KCNMA1: variants seen among roughly 807,000 people sequenced by gnomAD.
KCNMA1 encodes the protein potassium calcium-activated channel subfamily M alpha 1, also known as Calcium-activated potassium channel subunit alpha-1.
In KCNMA1, 29 loss-of-function variants were observed where a neutral mutation model predicts 140.0. The observed-to-expected ratio is 0.21, with a 90% CI of 0.15 to 0.28. The LOEUF (loss-of-function observed/expected upper bound fraction) is 0.28. Among genes scored for constraint, KCNMA1 ranks in the 10% least tolerant of loss-of-function variants. The pLI is 1.00. For missense variants in KCNMA1, 880 were observed against 1,602.2 expected (o/e 0.55, Z 7.70); for synonymous variants, 612 against 611.9 (o/e 1.00, Z 0.00).
At chr10:77,158,475 C>T (rs2098515178) in intron 5 of KCNMA1, among the ~76,000 whole-genome samples, 1 of 152,210 alleles carries the variant, frequency 6.6e-6, no homozygotes, top group East Asian at 1.9e-4. Context: ...TGGGAGTCTC[C>T]TCTCTCTCCC....
At chr10:77,381,699 C>A (rs1459635060) in intron 2 of KCNMA1, among the ~76,000 whole-genome samples, 2 of 152,132 alleles carry the variant, frequency 1.3e-5, no homozygotes, top group African/African-American at 4.8e-5. Context: ...GCTGCTGGTC[C>A]AAATTAATTG....
At chr10:77,463,388 T>C (rs2097915001) in intron 1 of KCNMA1, among the ~76,000 whole-genome samples, 1 of 152,174 alleles carries the variant, frequency 6.6e-6, no homozygotes, top group African/African-American at 2.4e-5. Flanking sequence ...GAATAACCTT[T>C]GCCTCCTAAA....
intron 3 of KCNMA1, among the ~76,000 whole-genome samples, chr10:77,208,395 G>A (rs961599099): frequency 3.9e-5 from 6 of 152,112 alleles, no homozygotes; most frequent in African/African-American, 9.7e-5. Flanking sequence ...AGGCTGAGGC[G>A]GGACGATCAC....
intron 12 of KCNMA1, among the ~76,000 whole-genome samples, chr10:77,081,965 TTTCTGATACTACCTTTGACC>T (rs1238849276): frequency 6.7e-6 from 1 of 148,566 alleles, no homozygotes; most frequent in Non-Finnish European, 1.5e-5. Flanking sequence ...CTTAATTACA[TTTCTGATACTACCTTTGACC>T]AGTAATTTCT....
At chr10:77,190,421 T>C (rs2098929822) in intron 3 of KCNMA1, among the ~76,000 whole-genome samples, 1 of 152,158 alleles carries the variant, frequency 6.6e-6, no homozygotes, top group Non-Finnish European at 1.5e-5. Context: ...CCTGCAGCTA[T>C]GTGGTAGAGT....
At chr10:77,566,248 C>T (rs1321996130) in intron 1 of KCNMA1, among the ~76,000 whole-genome samples, 8 of 152,196 alleles carry the variant, frequency 5.3e-5, no homozygotes, top group African/African-American at 1.7e-4. Flanking sequence ...CCATCCCATC[C>T]CCCAGGATCC....
intron 18 of KCNMA1, among the ~76,000 whole-genome samples, chr10:77,001,931 TCC>T (rs2086614366): frequency 6.6e-6 from 1 of 152,156 alleles, no homozygotes; most frequent in Admixed American, 6.5e-5. Context: ...CCAACACTTT[TCC>T]CCTGATATGA....
At chr10:77,096,830 C>A (rs1323937467) in intron 9 of KCNMA1, among the ~76,000 whole-genome samples, 1 of 152,164 alleles carries the variant, frequency 6.6e-6, no homozygotes, top group Non-Finnish European at 1.5e-5. Flanking sequence ...ATGCTAGACT[C>A]TCTGTCTTTC....
At chr10:77,201,518 G>A (rs769283593) in intron 3 of KCNMA1, among the ~76,000 whole-genome samples, 1 of 152,166 alleles carries the variant, frequency 6.6e-6, no homozygotes, top group Non-Finnish European at 1.5e-5. Flanking sequence ...AGATGCTCCA[G>A]GCAGCAATTG....
intron 2 of KCNMA1, among the ~76,000 whole-genome samples, chr10:77,357,725 T>C (rs2093616300): frequency 6.6e-6 from 1 of 152,240 alleles, no homozygotes. Context: ...ATTGATGTTT[T>C]ATAGATTCCA....
chr10:76,889,315 G>A (rs2038858598), intron 27 of KCNMA1, 136 bp downstream of exon 27: 3 of 692,288 alleles, frequency 4.3e-6, no homozygotes, highest in Non-Finnish European at 7.7e-6. Context: ...CAAACTCAGT[G>A]TTGGATTTAA....
Position 76,886,258 on chromosome 10 carries a change from A to G in KCNMA1, c.*1008T>C, listed in dbSNP as rs1365193360. 5 of 985,082 alleles carry G rather than the reference A, an allele frequency of 5.1e-6. No individual in the cohort carries two copies. Among genetic ancestry groups the G allele is most frequent in the Admixed American group, 1.2e-4 (2 of 16,270 alleles). 61.0% of individuals were successfully genotyped at this position (985,082 alleles called of 1,614,324 possible). On this transcript the variant is annotated 3_prime_UTR_variant, in exon 28 of 28. Transcript: ENST00000286628. ...TAATCAAACAAAGGGGAGTAAAAAG[A>G]TCCCCTGAGAATGCATGGAAAAATA...
At chr10:77,496,429 T>C (rs1370994303) in intron 1 of KCNMA1, among the ~76,000 whole-genome samples, 3 of 151,880 alleles carry the variant, frequency 2.0e-5, no homozygotes, top group Non-Finnish European at 2.9e-5. Flanking sequence ...ACCCCGTCTC[T>C]ACTAAAAATA....
chr10:76,902,943 T>C (rs1455254331), intron 25 of KCNMA1: 1 of 152,186 alleles, frequency 6.6e-6, no homozygotes, highest in African/African-American at 2.4e-5. Flanking sequence ...GACAATTCCC[T>C]CTCCGGGTGT....
intron 1 of KCNMA1, among the ~76,000 whole-genome samples, chr10:77,423,621 G>T (rs1201549616): frequency 6.6e-6 from 1 of 152,154 alleles, no homozygotes; most frequent in Non-Finnish European, 1.5e-5. Context: ...GAGGCCACAG[G>T]ATGAAAAATC....
chr10:76,960,924 A>G (rs894076283), intron 20 of KCNMA1, among the ~76,000 whole-genome samples: 1 of 151,998 alleles, frequency 6.6e-6, no homozygotes, highest in African/African-American at 2.4e-5. Flanking sequence ...CTGCTCACTG[A>G]TAACGCACCC....
chr10:77,439,777 T>C (rs943623393), intron 1 of KCNMA1, among the ~76,000 whole-genome samples: 2 of 152,144 alleles, frequency 1.3e-5, no homozygotes, highest in African/African-American at 4.8e-5. Context: ...GCTGCATTCG[T>C]GGGATGGGAG....
intron 1 of KCNMA1, among the ~76,000 whole-genome samples, chr10:77,527,100 G>C (rs1329845883): frequency 6.6e-6 from 1 of 152,234 alleles, no homozygotes; most frequent in Non-Finnish European, 1.5e-5. Flanking sequence ...CCACTGTTCA[G>C]TTCCATTCTA....
intron 14 of KCNMA1, among the ~76,000 whole-genome samples, chr10:77,052,592 C>T (rs958671418): frequency 6.8e-6 from 1 of 147,054 alleles, no homozygotes; most frequent in East Asian, 2.0e-4. Flanking sequence ...GGATACCTAG[C>T]ATATCCTTGG....
Sources: gnomAD v4.1 joint callset for allele counts (sites outside exome capture counted in the v4.1 genomes callset) on GRCh38, gnomAD v4.1.1 for gene constraint, MANE v1.5 for transcripts, NCBI Gene and HGNC (gene_info 2026-07-23, HGNC 2026-07-21) for gene names.